Variants in EPB41 observed in about 807,000 individuals in gnomAD.
The protein encoded by EPB41 is protein 4.1.
EPB41 carries 65 observed loss-of-function variants against 108.0 expected under a neutral mutation model. The observed-to-expected ratio is 0.60, with a 90% confidence interval of 0.49 to 0.74. EPB41 has a LOEUF of 0.74. Ranked by LOEUF, EPB41 falls within the 30% of genes least tolerant of loss-of-function variation. The pLI is 0.00. For synonymous variants in EPB41, 336 were observed against 358.9 expected, an observed-to-expected ratio of 0.94 and a Z score of 0.72; for missense variants, 875 against 1,037.0, an observed-to-expected ratio of 0.84 and a Z score of 2.15.
At chr1:28,897,630 GA>G (rs2090835122) in intron 1 of EPB41, among the ~76,000 whole-genome samples, 1 of 108,970 alleles carries the variant, frequency 9.2e-6, no homozygotes, top group Non-Finnish European at 1.9e-5. Flanking sequence ...GAGGGGAGAG[GA>G]GGGGAGAGGA....
chr1:29,055,086 C>T (rs1015638143), intron 12 of EPB41, among the ~76,000 whole-genome samples: 1 of 152,088 alleles, frequency 6.6e-6, no homozygotes, highest in African/African-American at 2.4e-5. Context: ...TACAGTTTTA[C>T]TGTCCATTTG....
rs546677982 is a variant in EPB41, at chr1:28,891,036, G to C, written c.-8+3826G>C. 5.1e-5 allele frequency: 50 copies of C among 972,796 alleles called. No homozygotes were observed. In the African/African-American group the frequency reaches 8.4e-4, roughly 16 times the overall value. 60.3% of individuals were successfully genotyped at this position (972,796 alleles called of 1,614,324 possible). A position where few individuals can be genotyped will look rare whatever the true frequency, so the allele number is the denominator to read the frequency against. On this transcript the variant is annotated intron_variant, in intron 1 of 16. Coordinates refer to the EPB41 transcript ENST00000347529. ...CAGCATAGAGAGAAAGGGGCAGAGGGAGCAACCTCCAGGTCAGCCAGGGCC... is the reference window on the plus strand; with the variant it reads ...CAGCATAGAGAGAAAGGGGCAGAGGCAGCAACCTCCAGGTCAGCCAGGGCC...
At chr1:29,111,004 TA>T (rs1191497639) in intron 18 of EPB41, among the ~76,000 whole-genome samples, 1 of 151,652 alleles carries the variant, frequency 6.6e-6, no homozygotes, top group African/African-American at 2.4e-5. Flanking sequence ...CCATCTCTAC[TA>T]AAAAAATAAA....
intron 16 of EPB41, chr1:29,069,335 T>G: frequency 5.7e-6 from 7 of 1,231,438 alleles, no homozygotes; most frequent in Non-Finnish European, 7.1e-6. Context: ...GTACAGAAAT[T>G]GCAGGGGGAA....
chr1:29,039,057 A>G (rs1640540596), intron 10 of EPB41, among the ~76,000 whole-genome samples, 197 bp from the exon 11 acceptor site: 1 of 152,218 alleles, frequency 6.6e-6, no homozygotes, highest in African/African-American at 2.4e-5. Flanking sequence ...AATAAAATTA[A>G]TATAGGTCCC....
chr1:29,029,167 A>T (rs1037414125), intron 7 of EPB41, among the ~76,000 whole-genome samples: 9 of 152,306 alleles, frequency 5.9e-5, no homozygotes, highest in African/African-American at 2.2e-4. Flanking sequence ...AAAACTACAA[A>T]ACTTTCCTGA....
In EPB41 at chr1:29,053,172, G is replaced by C. The variant is rs779644852; in HGVS notation, c.1705G>C (p.Val569Leu). The change falls in exon 12 of 21, where the codon GTT becomes CTT. Residue 569 changes from valine to leucine, a missense_variant. Transcript: ENST00000343067. ...TSAPAITQGQ[V>L]AEGGVLDASA... is the part of the protein sequence containing the mutation. ...TGCACCTGCCATTACTCAGGGTCAGGTTGCAGAAGGTGGCGTCCTAGATGC... is the reference window on the plus strand; with the variant it reads ...TGCACCTGCCATTACTCAGGGTCAGCTTGCAGAAGGTGGCGTCCTAGATGC... 10 of 1,614,052 alleles carry C rather than the reference G, an allele frequency of 6.2e-6. No homozygotes were observed. In the East Asian group the frequency reaches 2.2e-4, roughly 36 times the overall value.
At chr1:28,961,184 A>C (rs996529813) in intron 1 of EPB41, among the ~76,000 whole-genome samples, 1 of 152,126 alleles carries the variant, frequency 6.6e-6, no homozygotes, top group African/African-American at 2.4e-5. Flanking sequence ...TGACAAACAA[A>C]CTTGTTAGAA....
chr1:28,971,407 C>A (rs1056592013), intron 1 of EPB41, among the ~76,000 whole-genome samples: 1 of 151,944 alleles, frequency 6.6e-6, no homozygotes, highest in African/African-American at 2.4e-5. Flanking sequence ...TCATCTTGAA[C>A]TCCTGACCTC....
rs12564625 is a variant in EPB41 at position 29,062,688 on chromosome 1, C to T, written c.2007+2204C>T. ...TTTAAGCATCCCTCCTCCCCCTTCT[C>T]CTACCCCGCCCCCACTAATGCTTTG... is the stretch of plus-strand genomic sequence containing the variant. On this transcript the variant is annotated intron_variant, in intron 15 of 20. Coordinates refer to ENST00000343067, the MANE Select transcript of EPB41 (RefSeq NM_001376013.1). Among the ~76,000 whole-genome samples, 191 of 151,036 alleles carry T rather than the reference C, an allele frequency of 1.3e-3. 2 individuals are homozygous for T. The East Asian group carries it at 0.035, about 28-fold the overall frequency.
chr1:28,930,473 CTGTG>C (rs200564607), intron 1 of EPB41, among the ~76,000 whole-genome samples: 1 of 149,468 alleles, frequency 6.7e-6, no homozygotes, highest in Non-Finnish European at 1.5e-5. Flanking sequence ...TGGCCCTGAA[CTGTG>C]TGTGTGTGTG....
At chr1:28,956,616 A>G (rs945988028) in intron 1 of EPB41, among the ~76,000 whole-genome samples, 7 of 152,234 alleles carry the variant, frequency 4.6e-5, no homozygotes, top group Non-Finnish European at 8.8e-5. Context: ...TATGCAACAC[A>G]AAACCACAAG....
At chr1:29,046,627 T>G (rs960387455) in intron 11 of EPB41, among the ~76,000 whole-genome samples, 12 of 152,182 alleles carry the variant, frequency 7.9e-5, no homozygotes, top group African/African-American at 2.9e-4. Flanking sequence ...CTATCATCTT[T>G]CCCAATTTTA....
At chr1:29,023,789 A>G (rs1265338409) in intron 7 of EPB41, among the ~76,000 whole-genome samples, 1 of 151,962 alleles carries the variant, frequency 6.6e-6, no homozygotes, top group Non-Finnish European at 1.5e-5. Flanking sequence ...AAGTTTGAGA[A>G]CCACTGAGTT....
chr1:29,067,853 G>A (rs1649130967), intron 16 of EPB41, among the ~76,000 whole-genome samples: 1 of 152,114 alleles, frequency 6.6e-6, no homozygotes, highest in East Asian at 1.9e-4. Flanking sequence ...CCTACTCACT[G>A]TCCTCTCAGC....
intron 1 of EPB41, among the ~76,000 whole-genome samples, chr1:28,925,062 T>G (rs2093363945): frequency 6.7e-6 from 1 of 150,128 alleles, no homozygotes; most frequent in Non-Finnish European, 1.5e-5. Context: ...GTCTCCCAGG[T>G]TCAAGCTTTT....
chr1:29,004,140 A>G (rs568816683), intron 4 of EPB41, among the ~76,000 whole-genome samples: 39 of 152,314 alleles, frequency 2.6e-4, no homozygotes, highest in Middle Eastern at 3.4e-3. Flanking sequence ...GTTGCTTCCT[A>G]TATTTTATTC....
chr1:28,987,421 T>C lies in EPB41; in HGVS notation c.-7-10T>C. 6.2e-7 allele frequency: 1 copy of C among 1,613,598 alleles called. No homozygotes were observed. Among genetic ancestry groups the C allele is most frequent in the South Asian group, 1.1e-5 (1 of 91,070 alleles). ...ATAAGAGCCCCCCTTTTCTATCTTCTTTTTAATAGCAACATCATGACAACA... is the reference window on the plus strand; with the variant it reads ...ATAAGAGCCCCCCTTTTCTATCTTCCTTTTAATAGCAACATCATGACAACA... On this transcript the variant is annotated splice_polypyrimidine_tract_variant and intron_variant, in intron 1 of 20. Coordinates refer to ENST00000343067, the MANE Select transcript of EPB41 (RefSeq NM_001376013.1).
At chr1:28,916,434 G>A (rs1405224343) in intron 1 of EPB41, among the ~76,000 whole-genome samples, 1 of 152,116 alleles carries the variant, frequency 6.6e-6, no homozygotes, top group African/African-American at 2.4e-5. Context: ...TCAGGAGTTC[G>A]AGACTAGCCT....
Sources: gnomAD v4.1 joint callset for allele counts (sites outside exome capture counted in the v4.1 genomes callset) on GRCh38, gnomAD v4.1.1 for gene constraint, MANE v1.5 for transcripts, NCBI Gene and HGNC (gene_info 2026-07-23, HGNC 2026-07-21) for gene names.